CSMD1: variants seen among roughly 807,000 people sequenced by gnomAD.
The protein encoded by CSMD1 is CUB and Sushi multiple domains 1.
In CSMD1, 213 loss-of-function variants were observed where a neutral mutation model predicts 417.5. The observed-to-expected ratio is 0.51, with a 90% confidence interval of 0.46 to 0.57. The LOEUF (loss-of-function observed/expected upper bound fraction) is 0.57. Ranked by LOEUF, CSMD1 falls within the 20% of genes least tolerant of loss-of-function variation. CSMD1 has a pLI of 0.00. For missense variants in CSMD1, 6,923 were observed against 4,529.7 expected (o/e 1.53, Z -15.17); for synonymous variants, 2,862 against 1,736.8 (o/e 1.65, Z -16.11).
At position 4,251,764 on chromosome 8, in the gene CSMD1, G is replaced by A. The variant is rs143763628; in HGVS notation, c.415+168189C>T. ...TGTGACATCTCACAAGTGTGTGTGA[G>A]AGTGATGCAGGGATGGAGAGATGGA... On this transcript the variant is annotated intron_variant, in intron 3 of 69. Coordinates refer to ENST00000635120, the MANE Select transcript of CSMD1 (RefSeq NM_033225.6). Among the ~76,000 whole-genome samples, 187 of 152,110 alleles carry A rather than the reference G, an allele frequency of 1.2e-3. 3 individuals carry two copies. The highest frequency in any genetic ancestry group is 4.2e-3 in the African/African-American group (175 of 41,482).
chr8:3,689,293 A>C (rs1487905275), intron 7 of CSMD1, among the ~76,000 whole-genome samples: 1 of 152,168 alleles, frequency 6.6e-6, no homozygotes, highest in African/African-American at 2.4e-5. Context: ...GCCTGTGGCT[A>C]ACATTGGACT....
At chr8:4,298,344 T>A (rs927429582) in intron 3 of CSMD1, among the ~76,000 whole-genome samples, 2 of 152,182 alleles carry the variant, frequency 1.3e-5, no homozygotes, top group African/African-American at 4.8e-5. Flanking sequence ...AAACGCTCCA[T>A]GACATCAGTT....
intron 1 of CSMD1, among the ~76,000 whole-genome samples, chr8:4,753,665 C>G (rs1447123749): frequency 6.6e-6 from 1 of 152,182 alleles, no homozygotes; most frequent in East Asian, 1.9e-4. Context: ...CTGCCTTCTT[C>G]TCAGGTTCCC....
At chr8:3,535,119 T>TC (rs1462384530) in intron 10 of CSMD1, among the ~76,000 whole-genome samples, 2 of 151,790 alleles carry the variant, frequency 1.3e-5, no homozygotes, top group Non-Finnish European at 2.9e-5. Flanking sequence ...GCTAATATTT[T>TC]TTTTTTTTAA....
intron 1 of CSMD1, among the ~76,000 whole-genome samples, chr8:4,949,679 C>A (rs1372916875): frequency 6.6e-6 from 1 of 152,120 alleles, no homozygotes; most frequent in Non-Finnish European, 1.5e-5. Flanking sequence ...AGAAATACTG[C>A]ATTAGTTATT....
intron 18 of CSMD1, among the ~76,000 whole-genome samples, chr8:3,381,710 T>C (rs781277037): frequency 2.6e-4 from 39 of 152,072 alleles, no homozygotes; most frequent in Admixed American, 5.9e-4. Flanking sequence ...GAGTTCCAAT[T>C]ACAAAAATAA....
intron 14 of CSMD1, among the ~76,000 whole-genome samples, 164 bp downstream of exon 14, chr8:3,407,735 A>T (rs1812443238): frequency 6.6e-6 from 1 of 152,182 alleles, no homozygotes; most frequent in Non-Finnish European, 1.5e-5. Flanking sequence ...ATTTGTTTTT[A>T]AGTTTTCAGG....
intron 52 of CSMD1, among the ~76,000 whole-genome samples, chr8:3,013,689 T>C (rs1167571548): frequency 6.0e-5 from 9 of 151,130 alleles, no homozygotes; most frequent in Middle Eastern, 6.8e-3. Flanking sequence ...GAGGTGGAGG[T>C]TGCAGTGAGC....
Position 3,002,394 on chromosome 8 carries a change from G to A in CSMD1, c.8030-2263C>T, listed in dbSNP as rs531765310. Among the ~76,000 whole-genome samples, 10 of 152,280 alleles carry A rather than the reference G, an allele frequency of 6.6e-5. No homozygotes were observed. The South Asian group carries it at 2.1e-3, about 32-fold the overall frequency. ...AGACGAGGACTGGTGAGAGCCAGAA[G>A]AGCCCATCAGCCCAGCACAAGAGAT... On this transcript the variant is annotated intron_variant, in intron 52 of 69. Coordinates refer to ENST00000635120, the MANE Select transcript of CSMD1 (RefSeq NM_033225.6).
intron 11 of CSMD1, among the ~76,000 whole-genome samples, chr8:3,475,105 C>G (rs1817330185): frequency 6.6e-6 from 1 of 152,114 alleles, no homozygotes; most frequent in African/African-American, 2.4e-5. Context: ...CTTGTATGGA[C>G]TGTCAACTCT....
At chr8:3,503,907 T>A (rs1796714210) in intron 10 of CSMD1, among the ~76,000 whole-genome samples, 2 of 145,430 alleles carry the variant, frequency 1.4e-5, no homozygotes, top group Admixed American at 1.4e-4. Flanking sequence ...TGAGATCAAC[T>A]TTTTAAACTT....
intron 1 of CSMD1, among the ~76,000 whole-genome samples, chr8:4,925,980 G>C (rs896849654): frequency 6.6e-6 from 1 of 152,134 alleles, no homozygotes; most frequent in Non-Finnish European, 1.5e-5. Context: ...TACAGTTTTA[G>C]CAATGCATTC....
intron 21 of CSMD1, among the ~76,000 whole-genome samples, chr8:3,350,117 G>A (rs548021881): frequency 1.6e-5 from 2 of 124,178 alleles, no homozygotes; most frequent in African/African-American, 6.3e-5. Context: ...GTGTATGTGT[G>A]TGTTACAATA....
chr8:3,106,871 T>C (rs1816181555), intron 45 of CSMD1: 1 of 363,016 alleles, frequency 2.8e-6, no homozygotes, highest in Non-Finnish European at 4.9e-6. Context: ...ATGTGGCAGC[T>C]TTTCTTCCTT....
At chr8:3,024,910 C>A (rs1283813544) in intron 51 of CSMD1, among the ~76,000 whole-genome samples, 1 of 152,238 alleles carries the variant, frequency 6.6e-6, no homozygotes, top group Non-Finnish European at 1.5e-5. Flanking sequence ...GTTCCCTCCA[C>A]TGCTTTGTGT....
chr8:4,099,211 C>T (rs961564323), intron 3 of CSMD1, among the ~76,000 whole-genome samples: 10 of 150,910 alleles, frequency 6.6e-5, no homozygotes, highest in Non-Finnish European at 1.3e-4. Context: ...CACACGCACA[C>T]ACACACACAC....
chr8:4,046,033 G>C (rs576001789), intron 3 of CSMD1, among the ~76,000 whole-genome samples: 57 of 151,894 alleles, frequency 3.8e-4, no homozygotes, highest in Non-Finnish European at 7.5e-4. Context: ...TAAAATTTAG[G>C]ACTCATGCAG....
chr8:4,361,028 T>C (rs1801728277), intron 3 of CSMD1, among the ~76,000 whole-genome samples: 1 of 152,200 alleles, frequency 6.6e-6, no homozygotes, highest in African/African-American at 2.4e-5. Context: ...TTCTTAAAAT[T>C]AATGCTATAT....
intron 3 of CSMD1, among the ~76,000 whole-genome samples, chr8:4,049,444 C>G (rs565204631): frequency 6.6e-6 from 1 of 151,562 alleles, no homozygotes; most frequent in Non-Finnish European, 1.5e-5. Flanking sequence ...CTACTGCCTA[C>G]GAGATGTCAC....
Sources: allele counts gnomAD v4.1 joint callset (sites outside exome capture counted in the v4.1 genomes callset), GRCh38; gene constraint gnomAD v4.1.1; transcripts MANE v1.5; gene names NCBI Gene and HGNC (gene_info 2026-07-23, HGNC 2026-07-21).